Variants in CERT1 observed in about 807,000 individuals in gnomAD.
CERT1 encodes ceramide transfer protein.
In CERT1, 31 loss-of-function variants were observed where a neutral mutation model predicts 87.9. That is an observed-to-expected ratio of 0.35 (90% confidence interval 0.27 to 0.48). CERT1 has a LOEUF of 0.48. Among genes scored for constraint, CERT1 ranks in the 20% least tolerant of loss-of-function variants. The pLI is 0.99. For missense variants in CERT1, 487 were observed against 758.0 expected (o/e 0.64, Z 4.20); for synonymous variants, 289 against 250.9 (o/e 1.15, Z -1.44).
intron 7 of CERT1, among the ~76,000 whole-genome samples, chr5:75,414,170 G>T (rs1027654342): frequency 6.6e-6 from 1 of 152,148 alleles, no homozygotes; most frequent in African/African-American, 2.4e-5. Flanking sequence ...GATTCCATTT[G>T]TATGTTGTTC....
At chr5:75,415,280 C>G (rs1763092073) in intron 7 of CERT1, among the ~76,000 whole-genome samples, 1 of 152,162 alleles carries the variant, frequency 6.6e-6, no homozygotes. Flanking sequence ...AATTTGACAT[C>G]AGATAGATCT....
intron 3 of CERT1, among the ~76,000 whole-genome samples, chr5:75,447,657 G>T (rs1764608087): frequency 6.6e-6 from 1 of 151,540 alleles, no homozygotes; most frequent in African/African-American, 2.4e-5. Flanking sequence ...TGTACTTTTA[G>T]TAGAGACAGG....
intron 2 of CERT1, among the ~76,000 whole-genome samples, chr5:75,500,844 G>T (rs1274999750): frequency 6.6e-6 from 1 of 152,060 alleles, no homozygotes; most frequent in African/African-American, 2.4e-5. Context: ...TTTCCATAAT[G>T]TAATTTCTCA....
intron 2 of CERT1, among the ~76,000 whole-genome samples, chr5:75,499,036 A>G (rs1018287735): frequency 1.3e-5 from 2 of 152,126 alleles, no homozygotes; most frequent in Non-Finnish European, 2.9e-5. Context: ...GTCAAAGGAG[A>G]TCATTTTGGA....
chr5:75,457,003 T>TA (rs1765013386), intron 3 of CERT1, among the ~76,000 whole-genome samples: 1 of 152,146 alleles, frequency 6.6e-6, no homozygotes, highest in African/African-American at 2.4e-5. Context: ...TGCCCTGTAA[T>TA]AAAAATCAAC....
chr5:75,473,135 C>T (rs1765791750), intron 2 of CERT1, among the ~76,000 whole-genome samples: 1 of 152,090 alleles, frequency 6.6e-6, no homozygotes, highest in Admixed American at 6.5e-5. Context: ...GGCTGGAGAG[C>T]AGTGGCATGA....
chr5:75,479,574 A>C (rs1766129461), intron 2 of CERT1, among the ~76,000 whole-genome samples: 1 of 152,172 alleles, frequency 6.6e-6, no homozygotes, highest in South Asian at 2.1e-4. Flanking sequence ...TATGCTAAGG[A>C]TAATAGTCTC....
At chr5:75,391,647 C>G (rs373332802) in intron 11 of CERT1, among the ~76,000 whole-genome samples, 14 of 152,150 alleles carry the variant, frequency 9.2e-5, no homozygotes, top group African/African-American at 3.1e-4. Context: ...TTCCAAATTA[C>G]TAATACATAC....
intron 2 of CERT1, among the ~76,000 whole-genome samples, chr5:75,468,355 G>A (rs1266966916): frequency 6.6e-6 from 1 of 152,170 alleles, no homozygotes; most frequent in Middle Eastern, 3.2e-3. Context: ...CTACTCAGCA[G>A]AATGCAGAGA....
intron 3 of CERT1, among the ~76,000 whole-genome samples, chr5:75,435,390 G>A (rs555335231): frequency 6.6e-6 from 1 of 152,300 alleles, no homozygotes; most frequent in East Asian, 1.9e-4. Context: ...TCAAGGAGCT[G>A]CCTTGCCATC....
chr5:75,411,970 T>A (rs529947265), intron 7 of CERT1, among the ~76,000 whole-genome samples: 19 of 152,192 alleles, frequency 1.2e-4, no homozygotes, highest in Non-Finnish European at 2.8e-4. Context: ...ATTTTAACAC[T>A]CTCCTTTTAA....
chr5:75,381,054 A>C lies in CERT1; in HGVS notation c.1747+18T>G, dbSNP rs370883327. On this transcript the variant is annotated intron_variant, in intron 16 of 16. Transcript: ENST00000643780. ...GAACAGCCACATTATCAAAGAGCAA[A>C]AACAATAAAATACATACCATTAGCT... 27 of 1,612,200 alleles carry C rather than the reference A, an allele frequency of 1.7e-5. No homozygotes were observed. Among genetic ancestry groups the C allele is most frequent in the Non-Finnish European group, 2.2e-5 (26 of 1,178,622 alleles).
chr5:75,420,747 A>G (rs1299400311), intron 5 of CERT1, among the ~76,000 whole-genome samples: 3 of 152,112 alleles, frequency 2.0e-5, no homozygotes, highest in Non-Finnish European at 4.4e-5. Context: ...TGTACTACGC[A>G]TTCCACTCAT....
chr5:75,508,205 C>T (rs946112036), intron 1 of CERT1, among the ~76,000 whole-genome samples: 2 of 152,178 alleles, frequency 1.3e-5, no homozygotes, highest in Non-Finnish European at 2.9e-5. Context: ...CTTCATAAGG[C>T]TAAACTTTGT....
chr5:75,474,572 A>G (rs1218800986), intron 2 of CERT1, among the ~76,000 whole-genome samples: 3 of 152,216 alleles, frequency 2.0e-5, no homozygotes, highest in African/African-American at 7.2e-5. Flanking sequence ...AGCCTTACTA[A>G]TAATGAATTT....
chr5:75,501,464 A>G (rs1339379526), intron 2 of CERT1, among the ~76,000 whole-genome samples: 1 of 152,230 alleles, frequency 6.6e-6, no homozygotes, highest in African/African-American at 2.4e-5. Flanking sequence ...CTAAGGTGAG[A>G]CATGAAACTA....
Position 75,511,565 on chromosome 5 carries a change from CG to C in CERT1, c.-359del. ...AAAAGAAGGGAAGAGAAAATCCGGC[CG>C]CTGAGTCCCGCGTCCACTCACACCT... On this transcript the variant is annotated 5_prime_UTR_variant, in exon 1 of 17. Coordinates refer to ENST00000643780, the MANE Select transcript of CERT1 (RefSeq NM_001379029.1). 1 of 1,456,412 alleles carries C rather than the reference CG, an allele frequency of 6.9e-7. No individual in the cohort carries two copies. The highest frequency in any genetic ancestry group is 2.6e-5 in the Admixed American group (1 of 38,892). The allele number at this position is 1,456,412 out of a possible 1,614,324, so 90.2% of individuals were successfully genotyped here.
intron 7 of CERT1, among the ~76,000 whole-genome samples, chr5:75,415,035 TAC>T (rs150043321): frequency 0.011 from 1,643 of 148,960 alleles, 20 homozygotes; most frequent in Admixed American, 0.042. Flanking sequence ...TGTGTATATA[TAC>T]ACACACACAC....
chr5:75,457,986 G>A (rs61424635), intron 3 of CERT1, among the ~76,000 whole-genome samples: 4,852 of 150,178 alleles, frequency 0.032, 256 homozygotes, highest in African/African-American at 0.11. Flanking sequence ...TGTGTGGTAT[G>A]TGTGTGTGTG....
Sources: allele counts gnomAD v4.1 joint callset (sites outside exome capture counted in the v4.1 genomes callset), GRCh38; gene constraint gnomAD v4.1.1; transcripts MANE v1.5; gene names NCBI Gene and HGNC (gene_info 2026-07-23, HGNC 2026-07-21).